Variants in TRHDE observed in about 807,000 individuals in gnomAD.
TRHDE encodes thyrotropin-releasing hormone-degrading ectoenzyme.
A neutral mutation model predicts 125.7 loss-of-function variants in TRHDE; 72 were observed. That is an observed-to-expected ratio of 0.57 (90% confidence interval 0.47 to 0.70). The LOEUF is 0.70. Ranked by LOEUF, TRHDE falls within the 30% of genes least tolerant of loss-of-function variation. The pLI is 0.00. For missense variants in TRHDE, 1,110 were observed against 1,327.1 expected (o/e 0.84, Z 2.54); for synonymous variants, 509 against 509.1 (o/e 1.00, Z 0.00).
At chr12:72,224,485 C>G (rs1424890729) in intron 2 of TRHDE, among the ~76,000 whole-genome samples, 2 of 152,056 alleles carry the variant, frequency 1.3e-5, no homozygotes, top group Admixed American at 6.6e-5. Flanking sequence ...ACTTTCGTGA[C>G]TGAAAAATAT....
At chr12:72,292,191 A>G (rs982135673) in intron 2 of TRHDE, among the ~76,000 whole-genome samples, 3 of 152,086 alleles carry the variant, frequency 2.0e-5, no homozygotes, top group African/African-American at 7.2e-5. Flanking sequence ...CTTTTTGAAG[A>G]GGTTATGGGG....
At chr12:72,140,997 T>C (rs74103614) in intron 2 of TRHDE, among the ~76,000 whole-genome samples, 179 of 152,174 alleles carry the variant, frequency 1.2e-3, no homozygotes, top group African/African-American at 3.6e-3. Flanking sequence ...ATTTTTTTTT[T>C]CACCAAATAA....
At chr12:72,475,011 G>A (rs545264452) in intron 5 of TRHDE, among the ~76,000 whole-genome samples, 5 of 152,246 alleles carry the variant, frequency 3.3e-5, no homozygotes, top group Admixed American at 1.3e-4. Context: ...TTTGATTTAT[G>A]TGCCTAGGCA....
chr12:72,544,665 T>A (rs948982763), intron 7 of TRHDE, among the ~76,000 whole-genome samples: 1 of 151,496 alleles, frequency 6.6e-6, no homozygotes, highest in Non-Finnish European at 1.5e-5. Flanking sequence ...TCTTCTTGAT[T>A]TATTATCTAC....
At chr12:72,504,130 GT>G (rs1878265941) in intron 6 of TRHDE, among the ~76,000 whole-genome samples, 1 of 152,022 alleles carries the variant, frequency 6.6e-6, no homozygotes, top group Non-Finnish European at 1.5e-5. Context: ...GAGGGGAACT[GT>G]AAAAAAACAA....
chr12:72,603,761 AC>A (rs1236583601), intron 12 of TRHDE, among the ~76,000 whole-genome samples: 21 of 140,766 alleles, frequency 1.5e-4, no homozygotes, highest in Non-Finnish European at 2.1e-4. Context: ...AACAACAACA[AC>A]AACAAAAAAA....
At chr12:72,350,207 A>G (rs1232076751) in intron 2 of TRHDE, among the ~76,000 whole-genome samples, 2 of 151,968 alleles carry the variant, frequency 1.3e-5, no homozygotes, top group Non-Finnish European at 2.9e-5. Flanking sequence ...TTTATGATGT[A>G]TTCAATCTTG....
At chr12:72,451,199 C>CAAG (rs2135870183) in intron 3 of TRHDE, among the ~76,000 whole-genome samples, 1 of 152,120 alleles carries the variant, frequency 6.6e-6, no homozygotes, top group South Asian at 2.1e-4. Context: ...AATTATTGCC[C>CAAG]AAAGCAGTAC....
At chr12:72,633,833 T>C (rs74774812) in intron 15 of TRHDE, among the ~76,000 whole-genome samples, 4,533 of 152,230 alleles carry the variant, frequency 0.03, 90 homozygotes, top group Non-Finnish European at 0.042. Flanking sequence ...TGAGACATAT[T>C]ATCAATCATG....
In TRHDE at chr12:72,272,915, T is replaced by G. The variant is rs766241304; in HGVS notation, c.272T>G (p.Val91Gly). 7.0e-6 allele frequency: 11 copies of G among 1,579,234 alleles called. No individual in the cohort carries two copies. Among genetic ancestry groups the G allele is most frequent in the Non-Finnish European group, 8.5e-6 (10 of 1,170,632 alleles). The change falls in exon 1 of 19, where the codon GTG becomes GGG. Residue 91 changes from valine (V) to glycine (G), a missense_variant. Around this residue, in one of 5 missense-constraint regions of TRHDE, gnomAD observed 248 missense variants for 240.8 expected, o/e 1.03. Coordinates refer to ENST00000261180, the MANE Select transcript of TRHDE (RefSeq NM_013381.3). This position sits in a 1 kb window ranked among gnomAD's most constrained non-coding sequence, Gnocchi z 6.7. ...AAGCGGCTTGTGCTGGCCTTCGCTG[T>G]GTCCCTCGTGGCATTGCTCGCGGTC... ...VHKRLVLAFA[V>G]SLVALLAVTM...
chr12:72,607,739 G>A lies in TRHDE; in HGVS notation c.2322-11152G>A, dbSNP rs142993496. On this transcript the variant is annotated intron_variant, in intron 12 of 18. Transcript: ENST00000261180. ...AAAATGGTCTAACTTTGGCCAGGAG[G>A]TTCTTTAAGTTGGTTTTAGAGCACA... Among the ~76,000 whole-genome samples, 1,142 of 152,180 alleles carry A rather than the reference G, an allele frequency of 7.5e-3. 6 individuals carry two copies. The highest frequency in any genetic ancestry group is 0.012 in the Admixed American group (183 of 15,280).
chr12:72,512,485 A>G (rs1878633578), intron 6 of TRHDE, among the ~76,000 whole-genome samples: 1 of 139,394 alleles, frequency 7.2e-6, no homozygotes, highest in Non-Finnish European at 1.5e-5. Context: ...TAATTATATA[A>G]TAATAATATA....
At chr12:72,391,001 G>T (rs1432327189) in intron 3 of TRHDE, among the ~76,000 whole-genome samples, 1 of 151,870 alleles carries the variant, frequency 6.6e-6, no homozygotes, top group Non-Finnish European at 1.5e-5. Context: ...ATTATTGAGA[G>T]ATTATTACAA....
intron 1 of TRHDE, among the ~76,000 whole-genome samples, chr12:72,101,009 G>A (rs1325919453): frequency 6.6e-6 from 1 of 152,108 alleles, no homozygotes; most frequent in African/African-American, 2.4e-5. Flanking sequence ...GTAAATGAAG[G>A]GTAAAGTGAT....
At chr12:72,291,257 A>G (rs989549306) in intron 2 of TRHDE, among the ~76,000 whole-genome samples, 3 of 152,222 alleles carry the variant, frequency 2.0e-5, no homozygotes, top group African/African-American at 7.2e-5. Flanking sequence ...TCAACAGACA[A>G]TAATAAGACT....
At chr12:72,194,532 C>T (rs980587634) in intron 2 of TRHDE, among the ~76,000 whole-genome samples, 1 of 151,972 alleles carries the variant, frequency 6.6e-6, no homozygotes, top group East Asian at 1.9e-4. Flanking sequence ...TCAAATCTTT[C>T]CCCCCTCCTT....
intron 2 of TRHDE, among the ~76,000 whole-genome samples, chr12:72,322,180 C>T (rs1466851495): frequency 6.6e-6 from 1 of 152,114 alleles, no homozygotes; most frequent in African/African-American, 2.4e-5. Flanking sequence ...CACCTGAAGT[C>T]AATATTCTCA....
intron 2 of TRHDE, among the ~76,000 whole-genome samples, chr12:72,299,016 G>A (rs745528743): frequency 5.9e-5 from 9 of 152,108 alleles, no homozygotes; most frequent in Non-Finnish European, 1.3e-4. Flanking sequence ...GAATCTCTGG[G>A]TGACCATGAT....
chr12:72,569,213 G>C (rs753080966), intron 10 of TRHDE, among the ~76,000 whole-genome samples: 19 of 152,182 alleles, frequency 1.2e-4, no homozygotes, highest in Non-Finnish European at 2.8e-4. Context: ...CTTCAAATAA[G>C]ATAGTGACCT....
Sources: allele counts gnomAD v4.1 joint callset (sites outside exome capture counted in the v4.1 genomes callset), GRCh38; gene constraint gnomAD v4.1.1; regional missense constraint gnomAD v4.1.1; non-coding constraint Gnocchi (gnomAD v3.1); transcripts MANE v1.5; gene names NCBI Gene and HGNC (gene_info 2026-07-23, HGNC 2026-07-21).